FSTL4: variants seen among roughly 807,000 people sequenced by gnomAD.
FSTL4 encodes follistatin-related protein 4.
Under a neutral mutation model 78.2 loss-of-function variants are expected in FSTL4, and 28 were observed. The ratio of observed to expected loss-of-function variants is 0.36; its 90% CI spans 0.27 to 0.49. The LOEUF (loss-of-function observed/expected upper bound fraction) is 0.49, where lower values mean the gene tolerates loss of function less well. Among genes scored for constraint, FSTL4 ranks in the 20% least tolerant of loss-of-function variants. The pLI, the probability that FSTL4 is intolerant of heterozygous loss-of-function variation, is 0.98. For synonymous variants in FSTL4, 422 were observed against 440.5 expected, an observed-to-expected ratio of 0.96 and a Z score of 0.53; for missense variants, 922 against 1,084.9, an observed-to-expected ratio of 0.85 and a Z score of 2.11.
chr5:133,260,588 CCT>C (rs1039741716), intron 6 of FSTL4, among the ~76,000 whole-genome samples: 8 of 152,188 alleles, frequency 5.3e-5, no homozygotes, highest in African/African-American at 1.7e-4. Context: ...CCTCCCGGCC[CCT>C]CTCTAAGCAC....
At chr5:133,763,274 C>T in the FSTL4 span, among the ~76,000 whole-genome samples, 1 of 152,234 alleles carries the variant, frequency 6.6e-6, no homozygotes, top group Non-Finnish European at 1.5e-5. Context: ...AATTACTGCT[C>T]TTCCATTGAG....
chr5:133,403,651 C>T (rs960400888), intron 3 of FSTL4, among the ~76,000 whole-genome samples: 2 of 152,152 alleles, frequency 1.3e-5, no homozygotes, highest in Non-Finnish European at 2.9e-5. Context: ...TTGCCTTCTC[C>T]AAAGTGGGCA....
the FSTL4 span, among the ~76,000 whole-genome samples, chr5:133,736,616 A>G: frequency 2.0e-5 from 3 of 152,212 alleles, no homozygotes; most frequent in Non-Finnish European, 4.4e-5. Flanking sequence ...AGTCCAGACA[A>G]GAGACACCAC....
chr5:133,464,872 G>A (rs1372626125), intron 3 of FSTL4, among the ~76,000 whole-genome samples: 1 of 152,158 alleles, frequency 6.6e-6, no homozygotes, highest in Non-Finnish European at 1.5e-5. Context: ...GGACCTTTCT[G>A]TGACCTTCCC....
At chr5:133,521,636 C>T (rs1447411728) in intron 3 of FSTL4, among the ~76,000 whole-genome samples, 1 of 152,200 alleles carries the variant, frequency 6.6e-6, no homozygotes, top group African/African-American at 2.4e-5. Context: ...AAATGATTCT[C>T]AATAAACATT....
At chr5:133,789,032 G>C in the FSTL4 span, among the ~76,000 whole-genome samples, 2 of 152,186 alleles carry the variant, frequency 1.3e-5, no homozygotes, top group Admixed American at 6.5e-5. Context: ...AAATGGCATA[G>C]AACCTGCTCC....
the FSTL4 span, among the ~76,000 whole-genome samples, chr5:133,798,828 C>G: frequency 5.9e-5 from 9 of 152,228 alleles, no homozygotes; most frequent in South Asian, 4.2e-4. Context: ...CTGCCTCCCC[C>G]ACCCTGAAGG....
chr5:133,509,145 C>A (rs1758672420), intron 3 of FSTL4, among the ~76,000 whole-genome samples: 1 of 152,130 alleles, frequency 6.6e-6, no homozygotes, highest in African/African-American at 2.4e-5. Flanking sequence ...CCTATTCCAG[C>A]CACCCCATCA....
At chr5:133,220,572 G>A (rs1751060482) in intron 12 of FSTL4, among the ~76,000 whole-genome samples, 176 bp downstream of exon 12, 2 of 152,210 alleles carry the variant, frequency 1.3e-5, no homozygotes. Context: ...ATGAAGGAAT[G>A]AGAATTTTAA....
chr5:133,326,291 G>T (rs1258639245), intron 4 of FSTL4, among the ~76,000 whole-genome samples: 1 of 152,218 alleles, frequency 6.6e-6, no homozygotes. Context: ...TTCACTGACA[G>T]TGTTGACTGA....
At chr5:133,567,079 T>C in intron 3 of FSTL4, 107 bp downstream of exon 3, 1 of 841,222 alleles carries the variant, frequency 1.2e-6, no homozygotes, top group Non-Finnish European at 2.1e-6. Context: ...CCGCATGAAA[T>C]TTCAAAGAAT....
chr5:133,790,434 T>C, the FSTL4 span, among the ~76,000 whole-genome samples: 3 of 152,182 alleles, frequency 2.0e-5, no homozygotes, highest in African/African-American at 7.2e-5. Flanking sequence ...GTGCTTGGCA[T>C]TTAAAACCAA....
chr5:133,654,750 TC>T, the FSTL4 span, among the ~76,000 whole-genome samples: 1 of 152,152 alleles, frequency 6.6e-6, no homozygotes, highest in East Asian at 1.9e-4. Flanking sequence ...GTGATCAGCA[TC>T]CTTGATGGAG....
At chr5:133,707,845 C>T in the FSTL4 span, among the ~76,000 whole-genome samples, 1 of 152,064 alleles carries the variant, frequency 6.6e-6, no homozygotes, top group African/African-American at 2.4e-5. Flanking sequence ...GGAGCCCTTT[C>T]TGCACAGTGC....
At chr5:133,814,693 TG>T in the FSTL4 span, among the ~76,000 whole-genome samples, 1 of 152,044 alleles carries the variant, frequency 6.6e-6, no homozygotes, top group Non-Finnish European at 1.5e-5. Context: ...CAAACAACTA[TG>T]TTGAGAGCGG....
At chr5:133,816,198 G>A in the FSTL4 span, among the ~76,000 whole-genome samples, 3 of 152,184 alleles carry the variant, frequency 2.0e-5, no homozygotes, top group South Asian at 6.2e-4. Context: ...GAGGCAAGTG[G>A]GCTCCCTGCA....
chr5:133,503,021 T>C (rs151178067), intron 3 of FSTL4, among the ~76,000 whole-genome samples: 2 of 152,350 alleles, frequency 1.3e-5, no homozygotes, highest in East Asian at 3.9e-4. Context: ...ATGTTTGTGG[T>C]AATTTGTTAC....
intron 8 of FSTL4, chr5:133,226,035 A>G: frequency 2.6e-6 from 1 of 388,980 alleles, no homozygotes; most frequent in Non-Finnish European, 4.5e-6. Flanking sequence ...CAGACTTTGT[A>G]CCCTATGACT....
chr5:133,560,872 G>A (rs1299309983), intron 3 of FSTL4, among the ~76,000 whole-genome samples: 1 of 151,054 alleles, frequency 6.6e-6, no homozygotes, highest in African/African-American at 2.4e-5. Flanking sequence ...AGATCACGAG[G>A]TCAGGAGATA....
Sources: allele counts gnomAD v4.1 joint callset (sites outside exome capture counted in the v4.1 genomes callset), GRCh38; gene constraint gnomAD v4.1.1; transcripts MANE v1.5; gene names NCBI Gene and HGNC (gene_info 2026-07-23, HGNC 2026-07-21).